CALN1: variants seen among roughly 807,000 people sequenced by gnomAD.
CALN1 encodes the protein calneuron 1.
Under a neutral mutation model 30.6 loss-of-function variants are expected in CALN1, and 17 were observed. That is an observed-to-expected ratio of 0.56 (90% CI 0.38 to 0.83). The LOEUF is 0.83. Ranked by LOEUF, CALN1 falls within the 40% of genes least tolerant of loss-of-function variation. The probability of loss-of-function intolerance (pLI) is 0.00; values close to 1 mark genes in which losing one functional copy is unlikely to be tolerated. For synonymous variants in CALN1, 156 were observed against 131.4 expected, an observed-to-expected ratio of 1.19 and a Z score of -1.28; for missense variants, 291 against 354.9, an observed-to-expected ratio of 0.82 and a Z score of 1.45.
chr7:72,389,747 C>A (rs1421358514), intron 2 of CALN1, among the ~76,000 whole-genome samples: 1 of 152,032 alleles, frequency 6.6e-6, no homozygotes, highest in Non-Finnish European at 1.5e-5. Flanking sequence ...TGGTGAAACC[C>A]TGTCTCTACT....
chr7:72,327,656 C>T (rs775780253), intron 2 of CALN1, among the ~76,000 whole-genome samples: 19 of 152,092 alleles, frequency 1.2e-4, no homozygotes, highest in Non-Finnish European at 1.9e-4. Context: ...AAAGTGCACG[C>T]GATTTGTAAT....
intron 1 of CALN1, 27 bp from the exon 2 acceptor site, chr7:72,403,469 G>C: frequency 1.1e-6 from 1 of 896,356 alleles, no homozygotes; most frequent in Non-Finnish European, 1.7e-6. Flanking sequence ...GAAACTTACA[G>C]CCTGCACAGT....
intron 3 of CALN1, among the ~76,000 whole-genome samples, chr7:72,186,864 A>G (rs935417316): frequency 1.4e-5 from 2 of 146,132 alleles, no homozygotes; most frequent in Non-Finnish European, 3.0e-5. Flanking sequence ...ATAGTGCTGC[A>G]ATAAACATAT....
At chr7:71,906,166 C>A (rs188355084) in intron 5 of CALN1, among the ~76,000 whole-genome samples, 2 of 152,280 alleles carry the variant, frequency 1.3e-5, no homozygotes, top group East Asian at 3.9e-4. Flanking sequence ...TAAATGGACA[C>A]TCCCTATCAT....
At chr7:72,406,121 G>T (rs1014734647) in intron 1 of CALN1, among the ~76,000 whole-genome samples, 5 of 152,150 alleles carry the variant, frequency 3.3e-5, no homozygotes, top group African/African-American at 9.7e-5. Context: ...AAAGCCAGGG[G>T]ACCCAAAATG....
chr7:72,366,137 AT>A (rs1278002762), intron 2 of CALN1, among the ~76,000 whole-genome samples: 5 of 132,736 alleles, frequency 3.8e-5, no homozygotes, highest in African/African-American at 9.8e-5. Context: ...AATGAATACT[AT>A]TTTTTATCTT....
chr7:72,014,951 TGCGTCCA>T (rs1178073023), intron 5 of CALN1, among the ~76,000 whole-genome samples: 1 of 152,204 alleles, frequency 6.6e-6, no homozygotes, highest in South Asian at 2.1e-4. Context: ...CGTGAGACAC[TGCGTCCA>T]GCCTTTGTTA....
chr7:71,992,938 G>C (rs1402459194), intron 5 of CALN1, among the ~76,000 whole-genome samples: 1 of 152,144 alleles, frequency 6.6e-6, no homozygotes, highest in Admixed American at 6.5e-5. Context: ...TGATCTTGCT[G>C]ATGAAACTTA....
intron 4 of CALN1, among the ~76,000 whole-genome samples, chr7:72,048,038 C>CTTTTTT (rs35051822): frequency 7.3e-6 from 1 of 137,326 alleles, no homozygotes; most frequent in African/African-American, 2.8e-5. Flanking sequence ...TCTTCTTCTT[C>CTTTTTT]TTCTTTTTTT....
chr7:71,935,213 C>T (rs964536673), intron 5 of CALN1, among the ~76,000 whole-genome samples: 13 of 152,088 alleles, frequency 8.5e-5, no homozygotes, highest in African/African-American at 2.9e-4. Flanking sequence ...TTACTGAAGA[C>T]GAACTAGACA....
At chr7:72,152,097 G>A (rs1787297262) in intron 3 of CALN1, among the ~76,000 whole-genome samples, 1 of 151,392 alleles carries the variant, frequency 6.6e-6, no homozygotes, top group Admixed American at 6.6e-5. Flanking sequence ...GTAGAGATGG[G>A]GTTTCACCAT....
intron 4 of CALN1, among the ~76,000 whole-genome samples, chr7:72,050,119 G>A (rs539516464): frequency 9.2e-5 from 14 of 152,068 alleles, no homozygotes; most frequent in South Asian, 6.2e-4. Flanking sequence ...TCGCCCGGCC[G>A]AAGGTAGGTA....
chr7:71,812,635 C>A (rs1487099648), intron 5 of CALN1, among the ~76,000 whole-genome samples: 1 of 152,196 alleles, frequency 6.6e-6, no homozygotes, highest in Non-Finnish European at 1.5e-5. Flanking sequence ...AAAAACCACT[C>A]AGAAATTCCT....
intron 3 of CALN1, among the ~76,000 whole-genome samples, chr7:72,211,992 C>T (rs1792430641): frequency 6.6e-6 from 1 of 152,066 alleles, no homozygotes. Flanking sequence ...TGATGAATAA[C>T]CGTTTTTTAT....
At chr7:72,216,318 CG>C (rs1192063175) in intron 3 of CALN1, among the ~76,000 whole-genome samples, 1 of 151,774 alleles carries the variant, frequency 6.6e-6, no homozygotes, top group Non-Finnish European at 1.5e-5. Context: ...CCCAGATACT[CG>C]GGAGGCCTAA....
chr7:72,385,839 C>G (rs773820722), intron 2 of CALN1, among the ~76,000 whole-genome samples: 5 of 152,190 alleles, frequency 3.3e-5, no homozygotes, highest in African/African-American at 4.8e-5. Context: ...TCCACCATGA[C>G]TGTAACTTTC....
chr7:72,293,788 G>A (rs1355262551), intron 2 of CALN1, among the ~76,000 whole-genome samples: 1 of 152,134 alleles, frequency 6.6e-6, no homozygotes, highest in Non-Finnish European at 1.5e-5. Context: ...AATGCTCTGA[G>A]CATTCAGGTA....
intron 2 of CALN1, among the ~76,000 whole-genome samples, chr7:72,344,941 T>C (rs950088931): frequency 6.8e-6 from 1 of 147,510 alleles, no homozygotes; most frequent in Non-Finnish European, 1.5e-5. Context: ...TATTCATATA[T>C]GAATTGTTTT....
intron 4 of CALN1, among the ~76,000 whole-genome samples, chr7:72,031,524 C>G (rs921161526): frequency 6.6e-6 from 1 of 152,140 alleles, no homozygotes; most frequent in East Asian, 1.9e-4. Flanking sequence ...CAAGGCCATG[C>G]AGCTACCATG....
Sources: allele counts gnomAD v4.1 joint callset (sites outside exome capture counted in the v4.1 genomes callset), GRCh38; gene constraint gnomAD v4.1.1; transcripts MANE v1.5; gene names NCBI Gene and HGNC (gene_info 2026-07-23, HGNC 2026-07-21).